The following DAB2IP variants were observed in gnomAD, a reference collection of about 807,000 sequenced individuals.
DAB2IP encodes DAB2 interacting protein.
Under a neutral mutation model 107.2 loss-of-function variants are expected in DAB2IP, and 28 were observed. That is an observed-to-expected ratio of 0.26 (90% confidence interval 0.19 to 0.36). The LOEUF (loss-of-function observed/expected upper bound fraction) is 0.36, where lower values mean the gene tolerates loss of function less well. Ranked by LOEUF, DAB2IP falls within the 10% of genes least tolerant of loss-of-function variation. The pLI is 1.00. For missense variants in DAB2IP, 1,400 were observed against 1,644.7 expected, an observed-to-expected ratio of 0.85 and a Z score of 2.57; for synonymous variants, 755 against 706.4, an observed-to-expected ratio of 1.07 and a Z score of -1.09.
intron 1 of DAB2IP, among the ~76,000 whole-genome samples, chr9:121,652,996 G>A (rs1353276440): frequency 6.6e-6 from 1 of 152,128 alleles, no homozygotes; most frequent in East Asian, 1.9e-4. Context: ...CCTGTGCACA[G>A]AAGGGTTCAA....
At chr9:121,735,383 T>A (rs1258484244) in intron 3 of DAB2IP, among the ~76,000 whole-genome samples, 1 of 152,206 alleles carries the variant, frequency 6.6e-6, no homozygotes, top group Non-Finnish European at 1.5e-5. Flanking sequence ...TCACCAGTCC[T>A]GCAATAACCC....
At chr9:121,674,296 G>A (rs1038633048) in intron 1 of DAB2IP, among the ~76,000 whole-genome samples, 1 of 152,196 alleles carries the variant, frequency 6.6e-6, no homozygotes, top group Non-Finnish European at 1.5e-5. Flanking sequence ...GTCTATACAG[G>A]CCAGTGCCCT....
At chr9:121,655,160 A>C (rs1832920335) in intron 1 of DAB2IP, among the ~76,000 whole-genome samples, 3 of 152,026 alleles carry the variant, frequency 2.0e-5, no homozygotes, top group Admixed American at 2.0e-4. Flanking sequence ...GTGGGGTAGA[A>C]ACAGTGACCT....
chr9:121,689,638 G>GC (rs1237119374), intron 2 of DAB2IP, among the ~76,000 whole-genome samples: 1 of 152,026 alleles, frequency 6.6e-6, no homozygotes, highest in Non-Finnish European at 1.5e-5. Context: ...CTGCCTTGGG[G>GC]CCCCCCGGGC....
At chr9:121,754,924 G>C (rs2118948004) in intron 3 of DAB2IP, among the ~76,000 whole-genome samples, 1 of 152,290 alleles carries the variant, frequency 6.6e-6, no homozygotes, top group African/African-American at 2.4e-5. Context: ...CACCCTCCCT[G>C]GCTCCCAGCA....
chr9:121,585,222 G>T (rs1469424475), intron 1 of DAB2IP, among the ~76,000 whole-genome samples: 1 of 152,154 alleles, frequency 6.6e-6, no homozygotes, highest in Non-Finnish European at 1.5e-5. Flanking sequence ...CCAGAATGGC[G>T]AGGGGTCAAT....
intron 1 of DAB2IP, among the ~76,000 whole-genome samples, chr9:121,640,676 C>G (rs1374158289): frequency 6.6e-6 from 1 of 152,188 alleles, no homozygotes; most frequent in Admixed American, 6.5e-5. Context: ...TAAACTCCAG[C>G]CCCAACTCTC....
intron 8 of DAB2IP, among the ~76,000 whole-genome samples, chr9:121,764,497 A>G (rs1388902170): frequency 1.3e-5 from 2 of 152,238 alleles, no homozygotes; most frequent in Admixed American, 6.5e-5. Context: ...CACGGCCACC[A>G]GCTTGCTCCT....
chr9:121,614,018 G>A (rs1319518872), intron 1 of DAB2IP, among the ~76,000 whole-genome samples: 1 of 152,132 alleles, frequency 6.6e-6, no homozygotes, highest in Non-Finnish European at 1.5e-5. Flanking sequence ...TGATGTGCTG[G>A]GGGGCTTCAG....
At chr9:121,597,097 G>A (rs1209847060) in intron 1 of DAB2IP, among the ~76,000 whole-genome samples, 1 of 152,146 alleles carries the variant, frequency 6.6e-6, no homozygotes, top group Non-Finnish European at 1.5e-5. Context: ...TTTGTGGAAG[G>A]CCTTTGTATA....
chr9:121,670,793 G>A (rs1833648331), intron 1 of DAB2IP, among the ~76,000 whole-genome samples: 1 of 152,202 alleles, frequency 6.6e-6, no homozygotes, highest in Admixed American at 6.5e-5. Context: ...GAGGCTGGCG[G>A]ATCACTTGAA....
intron 3 of DAB2IP, among the ~76,000 whole-genome samples, chr9:121,730,672 A>G (rs1831480354): frequency 6.6e-6 from 1 of 152,210 alleles, no homozygotes; most frequent in Admixed American, 6.5e-5. Flanking sequence ...AGATGAGGAA[A>G]CTAAGGCTTA....
chr9:121,673,972 A>G (rs1333589330), intron 1 of DAB2IP, among the ~76,000 whole-genome samples: 2 of 152,212 alleles, frequency 1.3e-5, no homozygotes. Flanking sequence ...GCCTCAGACT[A>G]TGGTGATTAG....
chr9:121,703,111 A>G (rs1829868848), intron 3 of DAB2IP, among the ~76,000 whole-genome samples: 1 of 152,170 alleles, frequency 6.6e-6, no homozygotes, highest in Non-Finnish European at 1.5e-5. Context: ...CCAAGTGATA[A>G]GGGACTAGGG....
In DAB2IP at chr9:121,780,284, G is replaced by A. The variant is rs150330154; in HGVS notation, c.3315-1180G>A. 7.9e-5 allele frequency among the ~76,000 whole-genome samples: 12 copies of A among 152,276 alleles called. No homozygotes were observed. The East Asian group carries it at 2.3e-3, about 29-fold the overall frequency. Reference sequence around the variant, plus strand: ...TCCTGCCACCCCACCCCCAGCACAAGCTTTCCTCAGAGTGATACCTTCCTG... The same window carrying A: ...TCCTGCCACCCCACCCCCAGCACAAACTTTCCTCAGAGTGATACCTTCCTG... On this transcript the variant is annotated intron_variant, in intron 14 of 15. Coordinates refer to ENST00000408936, the Ensembl canonical transcript of DAB2IP.
chr9:121,768,537 C>T, exon 10 of DAB2IP: 1 of 1,614,258 alleles, frequency 6.2e-7, no homozygotes, highest in Non-Finnish European at 8.5e-7. Context: ...CCGAGACCCT[C>T]TCCAATACAG....
At chr9:121,707,754 A>G (rs778816955) in intron 3 of DAB2IP, among the ~76,000 whole-genome samples, 45 of 152,232 alleles carry the variant, frequency 3.0e-4, no homozygotes, top group Non-Finnish European at 6.0e-4. Context: ...ATTCATAATC[A>G]GAACGTTGTA....
chr9:121,722,231 T>C (rs1332141468), intron 3 of DAB2IP, among the ~76,000 whole-genome samples: 1 of 152,170 alleles, frequency 6.6e-6, no homozygotes, highest in Non-Finnish European at 1.5e-5. Flanking sequence ...CTGCAGCTCC[T>C]TCAGGTTCTG....
At chr9:121,717,959 C>G (rs116125150) in intron 3 of DAB2IP, among the ~76,000 whole-genome samples, 1 of 152,188 alleles carries the variant, frequency 6.6e-6, no homozygotes, top group African/African-American at 2.4e-5. Flanking sequence ...TCCGGCATGT[C>G]AGGTGTGACC....
Sources: allele counts gnomAD v4.1 joint callset (sites outside exome capture counted in the v4.1 genomes callset), GRCh38; gene constraint gnomAD v4.1.1; transcripts MANE v1.5; gene names NCBI Gene and HGNC (gene_info 2026-07-23, HGNC 2026-07-21).